Variants in ZSWIM5 observed in about 807,000 individuals in gnomAD.
ZSWIM5 encodes the protein zinc finger SWIM-type containing 5, also known as zinc finger SWIM domain-containing protein 5.
In ZSWIM5, 55 loss-of-function variants were observed where a neutral mutation model predicts 119.6. The ratio of observed to expected loss-of-function variants is 0.46; its 90% CI spans 0.37 to 0.58. The LOEUF is 0.58. Among genes scored for constraint, ZSWIM5 ranks in the 20% least tolerant of loss-of-function variants. ZSWIM5 has a pLI of 0.00. For synonymous variants in ZSWIM5, 537 were observed against 606.9 expected (o/e 0.88, Z 1.69); for missense variants, 1,193 against 1,512.8 (o/e 0.79, Z 3.51).
At chr1:45,194,885 A>G (rs1646113150) in intron 1 of ZSWIM5, among the ~76,000 whole-genome samples, 1 of 152,194 alleles carries the variant, frequency 6.6e-6, no homozygotes, top group Non-Finnish European at 1.5e-5. Context: ...TCAAAAAAAA[A>G]AAAAGAGGTT....
intron 1 of ZSWIM5, among the ~76,000 whole-genome samples, chr1:45,161,440 C>T (rs1431381638): frequency 2.6e-5 from 4 of 152,104 alleles, no homozygotes; most frequent in Non-Finnish European, 2.9e-5. Flanking sequence ...TTTTTAATAA[C>T]AGCCATTCTA....
intron 12 of ZSWIM5, 76 bp downstream of exon 12, chr1:45,020,549 C>T (rs1326119320): frequency 4.6e-6 from 7 of 1,534,500 alleles, no homozygotes; most frequent in African/African-American, 2.8e-5. Context: ...TGCCCAGTCT[C>T]CCAGAGATCT....
In ZSWIM5 at chr1:45,036,651, G is replaced by A. The variant is rs189453366; in HGVS notation, c.1895-352C>T. Among the ~76,000 whole-genome samples the A allele has an allele frequency of 1.3e-4, 19 of 151,872 alleles. 1 individual carries two copies. In the East Asian group the frequency reaches 2.1e-3, roughly 17 times the overall value. On this transcript the variant is annotated intron_variant, in intron 8 of 13. Transcript: ENST00000359600. Reference sequence around the variant, plus strand: ...ATTACAGGTGTGAGCCACCGTATTCGGCCTAGTCTTCTGTCTTTCCCTCCC... The same window carrying A: ...ATTACAGGTGTGAGCCACCGTATTCAGCCTAGTCTTCTGTCTTTCCCTCCC...
intron 2 of ZSWIM5, among the ~76,000 whole-genome samples, chr1:45,083,090 C>T (rs749611206): frequency 2.0e-5 from 3 of 152,094 alleles, no homozygotes; most frequent in Non-Finnish European, 2.9e-5. Flanking sequence ...GTAGAACAGC[C>T]TCTCTGTGTG....
chr1:45,183,908 C>T (rs1261404855), intron 1 of ZSWIM5, among the ~76,000 whole-genome samples: 2 of 152,316 alleles, frequency 1.3e-5, no homozygotes, highest in African/African-American at 2.4e-5. Flanking sequence ...ATGAGGCCAG[C>T]ATCATCCTGA....
At chr1:45,159,118 A>T (rs1557783669) in intron 1 of ZSWIM5, among the ~76,000 whole-genome samples, 4 of 152,194 alleles carry the variant, frequency 2.6e-5, no homozygotes, top group Non-Finnish European at 5.9e-5. Flanking sequence ...ACCTAAAAGC[A>T]TTTTTAAGAC....
At chr1:45,185,886 C>T (rs1034685440) in intron 1 of ZSWIM5, among the ~76,000 whole-genome samples, 1 of 152,182 alleles carries the variant, frequency 6.6e-6, no homozygotes, top group Non-Finnish European at 1.5e-5. Flanking sequence ...TTTGACCCAG[C>T]CATCCCATTA....
chr1:45,109,251 GT>G (rs1645500038), intron 1 of ZSWIM5, among the ~76,000 whole-genome samples: 1 of 152,088 alleles, frequency 6.6e-6, no homozygotes. Flanking sequence ...TTTATTCAGG[GT>G]TGTATATACA....
intron 2 of ZSWIM5, among the ~76,000 whole-genome samples, chr1:45,064,989 T>C (rs1372132367): frequency 1.3e-5 from 2 of 152,220 alleles, no homozygotes; most frequent in African/African-American, 2.4e-5. Context: ...TCTCAGCTTA[T>C]TCTGCTACAG....
At chr1:45,114,682 G>C (rs1378989371) in intron 1 of ZSWIM5, among the ~76,000 whole-genome samples, 1 of 149,570 alleles carries the variant, frequency 6.7e-6, no homozygotes, top group Non-Finnish European at 1.5e-5. Context: ...TCATTCTTGG[G>C]TGTTTCTCGG....
chr1:45,087,473 TGCTAATGTAGGGTCCTGAAATA>T, intron 2 of ZSWIM5, among the ~76,000 whole-genome samples: 1 of 152,354 alleles, frequency 6.6e-6, no homozygotes, highest in South Asian at 2.1e-4. Context: ...ATAACTCTGA[TGCTAATGTAGGGTCCTGAAATA>T]TCAAGGGAAT....
chr1:45,147,653 T>C (rs1357155884), intron 1 of ZSWIM5, among the ~76,000 whole-genome samples: 3 of 148,200 alleles, frequency 2.0e-5, no homozygotes, highest in African/African-American at 7.5e-5. Flanking sequence ...AAAATGGGGA[T>C]AGGAGAAATA....
chr1:45,156,721 T>TAAAAAA (rs763479350), intron 1 of ZSWIM5, among the ~76,000 whole-genome samples: 1 of 124,626 alleles, frequency 8.0e-6, no homozygotes, highest in East Asian at 2.3e-4. Flanking sequence ...TGTGGGAAGT[T>TAAAAAA]AAAAAAAAAA....
At chr1:45,143,388 A>G (rs538211721) in intron 1 of ZSWIM5, among the ~76,000 whole-genome samples, 5 of 152,294 alleles carry the variant, frequency 3.3e-5, no homozygotes, top group African/African-American at 1.2e-4. Flanking sequence ...AACAGTCTAA[A>G]GAATAAAAAA....
chr1:45,050,980 G>A (rs1570028051), intron 5 of ZSWIM5, 94 bp downstream of exon 5: 2 of 1,254,678 alleles, frequency 1.6e-6, no homozygotes, highest in Admixed American at 2.7e-5. Context: ...AATTCTGACA[G>A]CTAAAAGGCT....
chr1:45,202,034 G>GA (rs926407869), intron 1 of ZSWIM5, among the ~76,000 whole-genome samples: 29 of 145,416 alleles, frequency 2.0e-4, no homozygotes, highest in African/African-American at 3.3e-4. Context: ...TCATTGATCA[G>GA]AAAAAAAAAA....
intron 10 of ZSWIM5, 96 bp downstream of exon 10, chr1:45,035,590 CAA>C (rs1570001698): frequency 6.7e-7 from 1 of 1,485,116 alleles, no homozygotes; most frequent in Non-Finnish European, 9.1e-7. Context: ...AACAGAATGA[CAA>C]AGAGGGAAAG....
intron 1 of ZSWIM5, among the ~76,000 whole-genome samples, chr1:45,124,098 C>G (rs1347753591): frequency 6.6e-6 from 1 of 151,980 alleles, no homozygotes; most frequent in Admixed American, 6.6e-5. Flanking sequence ...TACCCTAAAA[C>G]AGTAGCTAAA....
intron 1 of ZSWIM5, among the ~76,000 whole-genome samples, chr1:45,153,519 A>AAG (rs1645810425): frequency 6.6e-6 from 1 of 151,558 alleles, no homozygotes; most frequent in Admixed American, 6.6e-5. Flanking sequence ...AAAAAAAAAA[A>AAG]GAATTAAAAA....
Sources: allele counts gnomAD v4.1 joint callset (sites outside exome capture counted in the v4.1 genomes callset), GRCh38; gene constraint gnomAD v4.1.1; transcripts MANE v1.5; gene names NCBI Gene and HGNC (gene_info 2026-07-23, HGNC 2026-07-21).